The following CACNA1A variants were observed in gnomAD, a reference collection of about 807,000 sequenced individuals.
CACNA1A encodes voltage-dependent P/Q-type calcium channel subunit alpha-1A.
CACNA1A carries 57 observed loss-of-function variants against 262.4 expected under a neutral mutation model. The ratio of observed to expected loss-of-function variants is 0.22; its 90% CI spans 0.18 to 0.27. The LOEUF is 0.27. Among genes scored for constraint, CACNA1A ranks in the 10% least tolerant of loss-of-function variants. The pLI, the probability that CACNA1A is intolerant of heterozygous loss-of-function variation, is 1.00. For synonymous variants in CACNA1A, 1,431 were observed against 1,419.3 expected (o/e 1.01, Z -0.18); for missense variants, 2,526 against 3,562.8 (o/e 0.71, Z 7.41).
In CACNA1A at chr19:13,505,882, A is replaced by G. The variant is rs560913750; in HGVS notation, c.293+50T>C. Reference sequence around the variant, plus strand: ...TCCCAGCCTGGAAGAGGGGAGGCGGAGGGAGGAGGGGGAGGCGCAGCTGCT... The same window carrying G: ...TCCCAGCCTGGAAGAGGGGAGGCGGGGGGAGGAGGGGGAGGCGCAGCTGCT... On this transcript the variant is annotated intron_variant, in intron 1 of 46. Coordinates refer to ENST00000360228, the MANE Select transcript of CACNA1A (RefSeq NM_001127222.2). 1.9e-6 allele frequency: 3 copies of G among 1,563,024 alleles called. No individual in the cohort carries two copies. In the East Asian group the frequency reaches 6.9e-5, roughly 36 times the overall value.
At chr19:13,288,104 G>C (rs1327364044) in intron 19 of CACNA1A, among the ~76,000 whole-genome samples, 7 of 152,082 alleles carry the variant, frequency 4.6e-5, no homozygotes, top group African/African-American at 1.7e-4. Flanking sequence ...TGCCCAGCTT[G>C]TTTTTAACTT....
chr19:13,500,889 C>CATGA (rs1187049987), intron 1 of CACNA1A, among the ~76,000 whole-genome samples: 1 of 152,174 alleles, frequency 6.6e-6, no homozygotes, highest in Non-Finnish European at 1.5e-5. Context: ...CAGGCAACAG[C>CATGA]ATGAATGAAT....
chr19:13,292,906 T>C (rs560236612), intron 19 of CACNA1A, among the ~76,000 whole-genome samples: 1 of 152,314 alleles, frequency 6.6e-6, no homozygotes, highest in Non-Finnish European at 1.5e-5. Context: ...AGAACCTCTT[T>C]ATCAGCCAAA....
Position 13,351,547 on chromosome 19 carries a change from T to C in CACNA1A, c.978+8059A>G, listed in dbSNP as rs1274425537. Among the ~76,000 whole-genome samples the C allele has an allele frequency of 2.6e-5, 4 of 152,218 alleles. No individual in the cohort carries two copies. In the East Asian group the frequency reaches 7.7e-4, roughly 29 times the overall value. On this transcript the variant is annotated intron_variant, in intron 6 of 46. Coordinates refer to ENST00000360228, the MANE Select transcript of CACNA1A (RefSeq NM_001127222.2). ...TTTTTGAGATGTAGTTTTGCTCTTG[T>C]TGCCCAGGCTGGAGTGTAATGGCGT... is the stretch of plus-strand genomic sequence containing the variant.
chr19:13,277,313 T>C, intron 22 of CACNA1A, 185 bp from the exon 23 acceptor site: 1 of 530,534 alleles, frequency 1.9e-6, no homozygotes, highest in South Asian at 2.4e-5. Flanking sequence ...ATACTGCAGA[T>C]TTGTATGTTG....
intron 26 of CACNA1A, 100 bp from the exon 27 acceptor site, chr19:13,259,801 C>T: frequency 7.4e-7 from 1 of 1,349,026 alleles, no homozygotes; most frequent in Non-Finnish European, 1.0e-6. Flanking sequence ...GAAGAGTGGT[C>T]CACCAGCCTA....
chr19:13,495,701 C>T (rs548932143), intron 1 of CACNA1A, among the ~76,000 whole-genome samples: 38 of 152,144 alleles, frequency 2.5e-4, no homozygotes, highest in Non-Finnish European at 1.8e-4. Context: ...GAGACCCACA[C>T]ATAGACAGCT....
chr19:13,330,435 G>C (rs2058447698), intron 9 of CACNA1A, 102 bp from the exon 10 acceptor site: 1 of 828,554 alleles, frequency 1.2e-6, no homozygotes, highest in Non-Finnish European at 2.0e-6. Context: ...CACGGCAACT[G>C]TTCTCACGGG....
intron 6 of CACNA1A, among the ~76,000 whole-genome samples, chr19:13,337,464 C>T (rs529090920): frequency 6.6e-6 from 1 of 152,070 alleles, no homozygotes; most frequent in Non-Finnish European, 1.5e-5. Flanking sequence ...TGGACACCAT[C>T]GTATTAGATT....
Position 13,261,515 on chromosome 19 carries a change from C to T in CACNA1A, c.4185G>A (p.Val1395=), listed in dbSNP as rs1474589849. Residue 1395 remains valine, a synonymous_variant, in exon 26 of 47, where the codon GTG becomes GTA. Transcript: ENST00000360228. ...GGAAGAATTTCCCCTTGAAGAGCTGCACAGCCACCACGGCGAAGATGAACA... is the reference window on the plus strand; with the variant it reads ...GGAAGAATTTCCCCTTGAAGAGCTGTACAGCCACCACGGCGAAGATGAACA... ...LFMFIFAVVA[V]QLFKGKFFHC... is the part of the protein sequence containing the mutation. 1 of 1,597,358 alleles carries T rather than the reference C, an allele frequency of 6.3e-7. No homozygotes were observed. The highest frequency in any genetic ancestry group is 1.1e-5 in the South Asian group (1 of 88,152).
In CACNA1A at chr19:13,285,139, G is replaced by A. The variant is rs368211900; in HGVS notation, c.3621C>T (p.Asp1207=). The part of the protein sequence containing the change: ...KEEEKKEEEE[D]DRGEDGPKPM... ...GCTTAGGGCCGTCTTCCCCACGGTC[G>A]TCTTCCTCCTCCTCCTTCTTCTCTT... is the stretch of plus-strand genomic sequence containing the variant. Residue 1207 remains aspartate, a synonymous_variant, in exon 21 of 47, where the codon GAC becomes GAT. Coordinates refer to ENST00000360228, the MANE Select transcript of CACNA1A (RefSeq NM_001127222.2). 37 of 1,613,776 alleles carry A rather than the reference G, an allele frequency of 2.3e-5. No individual in the cohort carries two copies. Among genetic ancestry groups the A allele is most frequent in the Admixed American group, 3.3e-5 (2 of 59,988 alleles).
intron 3 of CACNA1A, among the ~76,000 whole-genome samples, chr19:13,389,401 G>T (rs2059674236): frequency 6.6e-6 from 1 of 152,010 alleles, no homozygotes; most frequent in African/African-American, 2.4e-5. Flanking sequence ...TAACAGACCT[G>T]GTAAGAATGT....
At chr19:13,314,945 C>G (rs1254385866) in intron 11 of CACNA1A, among the ~76,000 whole-genome samples, 1 of 152,130 alleles carries the variant, frequency 6.6e-6, no homozygotes, top group African/African-American at 2.4e-5. Context: ...AGAAGTAACT[C>G]TGGGAGGACT....
At chr19:13,503,615 C>T (rs1323539351) in intron 1 of CACNA1A, among the ~76,000 whole-genome samples, 1 of 151,854 alleles carries the variant, frequency 6.6e-6, no homozygotes, top group East Asian at 2.0e-4. Context: ...TGTCCATCCC[C>T]TCTCATCTCC....
At chr19:13,401,087 G>A (rs976362092) in intron 3 of CACNA1A, among the ~76,000 whole-genome samples, 19 of 152,094 alleles carry the variant, frequency 1.2e-4, no homozygotes, top group Non-Finnish European at 2.8e-4. Context: ...GCCTCCCAAA[G>A]TCCTGGAATT....
At chr19:13,273,520 C>T (rs1475610604) in intron 24 of CACNA1A, 1 of 152,064 alleles carries the variant, frequency 6.6e-6, no homozygotes, top group Admixed American at 6.6e-5. Context: ...TTTGTAACTG[C>T]TTTTCATATT....
intron 1 of CACNA1A, among the ~76,000 whole-genome samples, chr19:13,499,275 G>T (rs1982056272): frequency 6.6e-6 from 1 of 152,084 alleles, no homozygotes; most frequent in Non-Finnish European, 1.5e-5. Flanking sequence ...AAGGAGGAAA[G>T]AGAATTAATT....
At chr19:13,355,932 C>G (rs777147922) in intron 6 of CACNA1A, among the ~76,000 whole-genome samples, 2 of 152,188 alleles carry the variant, frequency 1.3e-5, no homozygotes, top group Admixed American at 6.5e-5. Context: ...AAAATGTCTG[C>G]AGCCACTGCC....
intron 30 of CACNA1A, among the ~76,000 whole-genome samples, chr19:13,249,000 G>T (rs1385832757): frequency 6.6e-6 from 1 of 152,138 alleles, no homozygotes; most frequent in Admixed American, 6.6e-5. Flanking sequence ...TCCGGGTCTT[G>T]TGTTGTTGCT....
Sources: gnomAD v4.1 joint callset for allele counts (sites outside exome capture counted in the v4.1 genomes callset) on GRCh38, gnomAD v4.1.1 for gene constraint, MANE v1.5 for transcripts, NCBI Gene and HGNC (gene_info 2026-07-23, HGNC 2026-07-21) for gene names.